ATE1: variants seen among roughly 807,000 people sequenced by gnomAD.
ATE1 encodes arginyl-tRNA--protein transferase 1.
Under a neutral mutation model 70.5 loss-of-function variants are expected in ATE1, and 36 were observed. The observed-to-expected ratio is 0.51, with a 90% CI of 0.39 to 0.67. ATE1 has a LOEUF of 0.67. ATE1 is among the 30% of genes least tolerant of loss of function. The pLI, the probability that ATE1 is intolerant of heterozygous loss-of-function variation, is 0.00. For missense variants in ATE1, 593 were observed against 629.5 expected (o/e 0.94, Z 0.62); for synonymous variants, 232 against 219.3 (o/e 1.06, Z -0.51).
At chr10:121,802,280 C>A (rs1472328877) in intron 10 of ATE1, among the ~76,000 whole-genome samples, 1 of 150,604 alleles carries the variant, frequency 6.6e-6, no homozygotes, top group Non-Finnish European at 1.5e-5. Context: ...TTCTGCCTGG[C>A]AAGGCTACCC....
At chr10:121,910,412 T>C (rs1951374242) in intron 5 of ATE1, among the ~76,000 whole-genome samples, 2 of 152,080 alleles carry the variant, frequency 1.3e-5, no homozygotes, top group Non-Finnish European at 1.5e-5. Flanking sequence ...AGTAATAACA[T>C]AAAAAAATCT....
intron 11 of ATE1, among the ~76,000 whole-genome samples, chr10:121,777,717 G>C (rs1240882817): frequency 6.6e-6 from 1 of 152,168 alleles, no homozygotes; most frequent in Non-Finnish European, 1.5e-5. Context: ...AATAATCTGT[G>C]ATTCCACAGG....
intron 7 of ATE1, among the ~76,000 whole-genome samples, chr10:121,876,071 C>A (rs985571819): frequency 6.6e-6 from 1 of 152,118 alleles, no homozygotes; most frequent in African/African-American, 2.4e-5. Flanking sequence ...GGCAGAAAAT[C>A]CAATACTATC....
intron 10 of ATE1, among the ~76,000 whole-genome samples, chr10:121,811,674 A>T (rs1482852415): frequency 2.0e-5 from 3 of 152,166 alleles, no homozygotes; most frequent in Non-Finnish European, 4.4e-5. Context: ...AGACTCACCA[A>T]TCCTACTAAA....
chr10:121,858,615 C>T (rs1474655196), intron 8 of ATE1, among the ~76,000 whole-genome samples: 2 of 144,638 alleles, frequency 1.4e-5, no homozygotes, highest in Non-Finnish European at 3.0e-5. Flanking sequence ...AGTTTACCTA[C>T]TTTTCCTTAT....
intron 10 of ATE1, among the ~76,000 whole-genome samples, chr10:121,796,611 C>A (rs1946668124): frequency 6.6e-6 from 1 of 152,072 alleles, no homozygotes; most frequent in Admixed American, 6.6e-5. Context: ...TTGATGAAAA[C>A]CACTTAGACT....
intron 8 of ATE1, among the ~76,000 whole-genome samples, chr10:121,862,004 C>T (rs1464818755): frequency 2.0e-5 from 3 of 152,096 alleles, no homozygotes; most frequent in Admixed American, 6.5e-5. Flanking sequence ...TCTCTGTTCC[C>T]GGGGCCTGGC....
intron 10 of ATE1, among the ~76,000 whole-genome samples, chr10:121,810,648 CT>C (rs1409006367): frequency 6.6e-6 from 1 of 152,098 alleles, no homozygotes; most frequent in African/African-American, 2.4e-5. Flanking sequence ...CAATACCTTC[CT>C]CCTATCAAAA....
At chr10:121,753,100 T>G (rs183418533) in intron 11 of ATE1, among the ~76,000 whole-genome samples, 2 of 152,272 alleles carry the variant, frequency 1.3e-5, no homozygotes, top group Non-Finnish European at 2.9e-5. Flanking sequence ...ATTTTAATGC[T>G]GTTGTAAACG....
At chr10:121,838,543 T>C (rs1948514028) in intron 9 of ATE1, among the ~76,000 whole-genome samples, 1 of 152,208 alleles carries the variant, frequency 6.6e-6, no homozygotes, top group Non-Finnish European at 1.5e-5. Flanking sequence ...CTTCTTCCTT[T>C]GCCCCTGAAA....
At chr10:121,886,970 A>T (rs767910336) in intron 7 of ATE1, among the ~76,000 whole-genome samples, 19 of 152,238 alleles carry the variant, frequency 1.2e-4, no homozygotes, top group Admixed American at 3.3e-4. Context: ...AGGAAAAAAA[A>T]TAAAGATGAA....
At chr10:121,874,992 A>C in intron 7 of ATE1, among the ~76,000 whole-genome samples, 1 of 13,840 alleles carries the variant, frequency 7.2e-5, no homozygotes, top group Non-Finnish European at 1.5e-4. Context: ...AAAAAAAAAA[A>C]AAATACAAAA....
intron 8 of ATE1, among the ~76,000 whole-genome samples, chr10:121,861,789 G>A (rs1016738768): frequency 1.3e-5 from 2 of 151,060 alleles, no homozygotes; most frequent in Non-Finnish European, 2.9e-5. Flanking sequence ...AACTTACACT[G>A]ACTCAATTAT....
chr10:121,811,488 T>C (rs536012307), intron 10 of ATE1, among the ~76,000 whole-genome samples: 4 of 152,368 alleles, frequency 2.6e-5, no homozygotes, highest in East Asian at 1.9e-4. Flanking sequence ...TGGCTATTAA[T>C]TGTAACACAA....
chr10:121,922,592 C>T (rs984917934), intron 2 of ATE1, among the ~76,000 whole-genome samples, 181 bp from the exon 3 acceptor site: 1 of 152,042 alleles, frequency 6.6e-6, no homozygotes, highest in African/African-American at 2.4e-5. Context: ...AGTTTAGAAC[C>T]CTGCCTTTTA....
At chr10:121,752,951 A>C (rs1944648640) in intron 11 of ATE1, among the ~76,000 whole-genome samples, 1 of 152,212 alleles carries the variant, frequency 6.6e-6, no homozygotes, top group Non-Finnish European at 1.5e-5. Flanking sequence ...CCATCTTAAC[A>C]ATATTAAGTC....
chr10:121,851,633 T>C (rs1168612934), intron 8 of ATE1, among the ~76,000 whole-genome samples: 1 of 152,198 alleles, frequency 6.6e-6, no homozygotes, highest in Non-Finnish European at 1.5e-5. Flanking sequence ...GTAGCTAACT[T>C]AACAGCAAAG....
intron 10 of ATE1, among the ~76,000 whole-genome samples, chr10:121,815,119 A>C (rs1947483734): frequency 6.6e-6 from 1 of 152,216 alleles, no homozygotes; most frequent in African/African-American, 2.4e-5. Flanking sequence ...GGAAAAAGCA[A>C]GCATCACATC....
chr10:121,761,744 G>A (rs1386001977), intron 11 of ATE1, among the ~76,000 whole-genome samples: 1 of 152,076 alleles, frequency 6.6e-6, no homozygotes, highest in Non-Finnish European at 1.5e-5. Context: ...TCCCAATCTA[G>A]AAATCCATCC....
Sources: gnomAD v4.1 joint callset for allele counts (sites outside exome capture counted in the v4.1 genomes callset) on GRCh38, gnomAD v4.1.1 for gene constraint, MANE v1.5 for transcripts, NCBI Gene and HGNC (gene_info 2026-07-23, HGNC 2026-07-21) for gene names.